Variants in OR1B1 observed in about 807,000 individuals in gnomAD.
OR1B1 encodes olfactory receptor family 1 subfamily B member 1.
For synonymous variants in OR1B1, 168 were observed against 156.2 expected (o/e 1.08, Z -0.57); for missense variants, 414 against 402.1 (o/e 1.03, Z -0.25).
At chr9:122,655,141 C>T in the OR1B1 span, among the ~76,000 whole-genome samples, 1 of 152,254 alleles carries the variant, frequency 6.6e-6, no homozygotes. Flanking sequence ...ACCCTGCTCC[C>T]CCAGGCACAT....
chr9:122,649,984 C>A, the OR1B1 span, among the ~76,000 whole-genome samples: 2 of 152,152 alleles, frequency 1.3e-5, no homozygotes, highest in African/African-American at 2.4e-5. Flanking sequence ...ATAGCAAAGA[C>A]TTGGAACCAA....
upstream of OR1B1, among the ~76,000 whole-genome samples, chr9:122,630,794 G>T (rs771690369): frequency 1.3e-5 from 2 of 151,970 alleles, no homozygotes; most frequent in Non-Finnish European, 2.9e-5. Context: ...TGCAACCTCT[G>T]CCTCCCAGGG....
chr9:122,629,491 C>T, exon 1 of OR1B1: 3 of 1,609,040 alleles, frequency 1.9e-6, no homozygotes, highest in Non-Finnish European at 2.5e-6. Flanking sequence ...ACCCAAGGAG[C>T]AAAAAAACCG....
the OR1B1 span, among the ~76,000 whole-genome samples, chr9:122,647,472 C>A: frequency 6.6e-6 from 1 of 151,794 alleles, no homozygotes; most frequent in Non-Finnish European, 1.5e-5. Context: ...AAATAAATAA[C>A]CTAATGATGC....
upstream of OR1B1, among the ~76,000 whole-genome samples, chr9:122,634,463 C>T (rs1830238090): frequency 6.6e-6 from 1 of 152,124 alleles, no homozygotes; most frequent in Non-Finnish European, 1.5e-5. Flanking sequence ...GGGGAGCCCT[C>T]AGGAAGCTTG....
At chr9:122,634,031 C>T (rs1001550653), upstream of OR1B1, among the ~76,000 whole-genome samples, 5 of 150,656 alleles carry the variant, frequency 3.3e-5, no homozygotes, top group Middle Eastern at 3.6e-3. Context: ...GGAGAAACCT[C>T]GTCCCTACTA....
chr9:122,629,073 T>G, exon 1 of OR1B1: 1 of 1,614,018 alleles, frequency 6.2e-7, no homozygotes, highest in Non-Finnish European at 8.5e-7. Flanking sequence ...GTGTGCAGTA[T>G]GGACACCACC....
chr9:122,632,393 G>A (rs910133743), upstream of OR1B1, among the ~76,000 whole-genome samples: 3 of 152,108 alleles, frequency 2.0e-5, no homozygotes, highest in Non-Finnish European at 4.4e-5. Context: ...TTAGACAGTG[G>A]CTGAAGAGAG....
the OR1B1 span, among the ~76,000 whole-genome samples, chr9:122,641,959 A>G: frequency 6.6e-6 from 1 of 152,298 alleles, no homozygotes. Context: ...AAAGAAAATG[A>G]TTAGGGCAGA....
the OR1B1 span, among the ~76,000 whole-genome samples, chr9:122,638,375 TGTGAAG>T: frequency 6.6e-6 from 1 of 152,228 alleles, no homozygotes; most frequent in East Asian, 1.9e-4. Context: ...TTTTCTATAC[TGTGAAG>T]CTTTTCCTAT....
the OR1B1 span, among the ~76,000 whole-genome samples, chr9:122,655,101 C>A: frequency 6.6e-6 from 1 of 152,130 alleles, no homozygotes; most frequent in Non-Finnish European, 1.5e-5. Context: ...AAAAATTCTC[C>A]ATCATTCCAG....
the OR1B1 span, among the ~76,000 whole-genome samples, chr9:122,635,622 C>T: frequency 1.3e-5 from 2 of 151,970 alleles, no homozygotes; most frequent in Non-Finnish European, 2.9e-5. Flanking sequence ...ACATTAAAAC[C>T]TTATGTTGTA....
chr9:122,629,069 A>G lies in OR1B1; in HGVS notation c.467T>C (p.Leu156Pro), dbSNP rs770407080. The G allele has an allele frequency of 1.4e-5, 22 of 1,613,686 alleles. No homozygotes were observed. The South Asian group carries it at 2.3e-4, about 17-fold the overall frequency. The stretch of plus-strand genomic sequence containing the variant: ...GAGTCCCACACGCAACATGGTGTGC[A>G]GTATGGACACCACCCAGCTCAAGGC... Residue 156 changes from leucine (L) to proline (P), a missense_variant, in exon 1 of 1, where the codon CTG (leucine) becomes CCG (proline). Physicochemically the swap from Leu to Pro is moderately conservative, Grantham distance 98. Coordinates refer to ENST00000623530, the Ensembl canonical transcript of OR1B1.
At chr9:122,637,704 A>G in the OR1B1 span, among the ~76,000 whole-genome samples, 3 of 152,324 alleles carry the variant, frequency 2.0e-5, no homozygotes, top group East Asian at 3.9e-4. Flanking sequence ...TTCTTAAACT[A>G]TCTTTTTGTT....
chr9:122,632,136 A>G (rs772178647), upstream of OR1B1, among the ~76,000 whole-genome samples: 2 of 152,168 alleles, frequency 1.3e-5, no homozygotes, highest in Non-Finnish European at 2.9e-5. Flanking sequence ...TACAAAACAC[A>G]CATAAAGTCT....
At chr9:122,641,796 G>GCT in the OR1B1 span, among the ~76,000 whole-genome samples, 1 of 152,100 alleles carries the variant, frequency 6.6e-6, no homozygotes. Context: ...GTGTTAATTA[G>GCT]CTCAATGTAG....
chr9:122,649,929 A>C, the OR1B1 span, among the ~76,000 whole-genome samples: 1 of 151,964 alleles, frequency 6.6e-6, no homozygotes, highest in Non-Finnish European at 1.5e-5. Context: ...AAATCATTCT[A>C]CTAAAGACAC....
At chr9:122,649,529 C>T in the OR1B1 span, among the ~76,000 whole-genome samples, 374 of 152,290 alleles carry the variant, frequency 2.5e-3, no homozygotes, top group Admixed American at 7.9e-3. Flanking sequence ...TATCCAGAAT[C>T]TACAAAGAAC....
the OR1B1 span, among the ~76,000 whole-genome samples, chr9:122,653,654 T>G: frequency 1.3e-5 from 2 of 152,140 alleles, no homozygotes; most frequent in Admixed American, 6.5e-5. Flanking sequence ...ACCATAGCAC[T>G]TCCCCCTGGC....
Sources: allele counts gnomAD v4.1 joint callset (sites outside exome capture counted in the v4.1 genomes callset), GRCh38; gene constraint gnomAD v4.1.1; transcripts MANE v1.5; gene names NCBI Gene and HGNC (gene_info 2026-07-23, HGNC 2026-07-21).